Variants in UACA observed in about 807,000 individuals in gnomAD.
UACA encodes the protein nuclear membrane binding protein.
Under a neutral mutation model 160.5 loss-of-function variants are expected in UACA, and 112 were observed. The ratio of observed to expected loss-of-function variants is 0.70; its 90% CI spans 0.60 to 0.82. UACA has a LOEUF of 0.82. Among genes scored for constraint, UACA ranks in the 40% least tolerant of loss-of-function variants. UACA has a pLI of 0.00. For missense variants in UACA, 1,574 were observed against 1,614.6 expected, an observed-to-expected ratio of 0.97 and a Z score of 0.43; for synonymous variants, 557 against 568.4, an observed-to-expected ratio of 0.98 and a Z score of 0.29.
At chr15:70,751,680 A>G (rs896432522) in intron 1 of UACA, among the ~76,000 whole-genome samples, 3 of 152,204 alleles carry the variant, frequency 2.0e-5, no homozygotes, top group African/African-American at 7.2e-5. Context: ...TGCAGGCTGC[A>G]GAGTTTGACC....
At chr15:70,670,333 G>A (rs1897093323) in intron 15 of UACA, among the ~76,000 whole-genome samples, 1 of 152,104 alleles carries the variant, frequency 6.6e-6, no homozygotes, top group African/African-American at 2.4e-5. Context: ...CATGCAGATA[G>A]CCTGCCCCCA....
rs57970349 is a variant in UACA, at chr15:70,679,402, CTAAATAAA to C, written c.891+198_891+205del. Among the ~76,000 whole-genome samples the C allele has an allele frequency of 2.9e-3, 389 of 134,082 alleles. 5 individuals carry two copies. The highest frequency in any genetic ancestry group is 0.011 in the Middle Eastern group (3 of 276). 88.0% of individuals were successfully genotyped at this position (134,082 alleles called of 152,430 possible). On this transcript the variant is annotated intron_variant, in intron 10 of 18. Transcript: ENST00000322954. ...TGGGCAACAGAGCCAGACCCCATCTCTAAATAAATAAATAAATAAATAAATAAATAAAT... is the reference window on the plus strand; with the variant it reads ...TGGGCAACAGAGCCAGACCCCATCTCTAAATAAATAAATAAATAAATAAAT...
chr15:70,680,402 A>G (rs1312572907), intron 9 of UACA, among the ~76,000 whole-genome samples: 4 of 152,048 alleles, frequency 2.6e-5, no homozygotes, highest in Non-Finnish European at 4.4e-5. Flanking sequence ...TAAAAAAAAA[A>G]CTACTGCTTT....
chr15:70,760,882 A>AC (rs1190151003), intron 1 of UACA, among the ~76,000 whole-genome samples: 6 of 152,206 alleles, frequency 3.9e-5, no homozygotes, highest in Admixed American at 1.3e-4. Flanking sequence ...AAAGGTCAAA[A>AC]ACTTTGAACA....
intron 9 of UACA, chr15:70,681,398 T>C (rs991630818): frequency 6.6e-6 from 1 of 152,074 alleles, no homozygotes; most frequent in African/African-American, 2.4e-5. Flanking sequence ...ATTTACAGCG[T>C]ATATTTAGTA....
intron 17 of UACA, among the ~76,000 whole-genome samples, chr15:70,661,861 CAA>C (rs1049250131): frequency 6.6e-6 from 1 of 152,096 alleles, no homozygotes; most frequent in Non-Finnish European, 1.5e-5. Context: ...GGACGTATCT[CAA>C]AATAATAAGA....
upstream of UACA, among the ~76,000 whole-genome samples, chr15:70,765,616 C>T (rs563578894): frequency 9.0e-4 from 137 of 152,270 alleles, no homozygotes; most frequent in Non-Finnish European, 1.7e-3. Context: ...TATTTGAATT[C>T]CCTAGAATGC....
intron 1 of UACA, among the ~76,000 whole-genome samples, chr15:70,710,358 A>G (rs1275920881): frequency 1.3e-5 from 2 of 152,122 alleles, no homozygotes; most frequent in Non-Finnish European, 2.9e-5. Flanking sequence ...GGAAAAACCA[A>G]ACTTTTCCCA....
In UACA at chr15:70,719,499, TCAA is replaced by T. The variant is rs1349425566; in HGVS notation, c.79-19842_79-19840del. 2.2e-4 allele frequency among the ~76,000 whole-genome samples: 34 copies of T among 152,176 alleles called. 1 individual carries two copies. The highest frequency in any genetic ancestry group is 2.2e-3 in the Admixed American group (33 of 15,282). On this transcript the variant is annotated intron_variant, in intron 1 of 18. Transcript: ENST00000322954. ...TGAAAACCAAAATAAAATGCACATC[TCAA>T]CGAGTTGAGGATGTAGCTACTGGCA...
chr15:70,760,617 G>C (rs1045876188), intron 1 of UACA, among the ~76,000 whole-genome samples: 1 of 152,016 alleles, frequency 6.6e-6, no homozygotes, highest in Non-Finnish European at 1.5e-5. Flanking sequence ...GACCATCCTG[G>C]ACAACATGGT....
At chr15:70,738,211 T>C (rs973428725) in intron 1 of UACA, among the ~76,000 whole-genome samples, 5 of 151,998 alleles carry the variant, frequency 3.3e-5, no homozygotes, top group Non-Finnish European at 7.4e-5. Flanking sequence ...ATCACTTATT[T>C]TTCTTCCGGT....
intron 1 of UACA, among the ~76,000 whole-genome samples, chr15:70,712,051 C>CGCAT: frequency 7.6e-6 from 1 of 131,990 alleles, no homozygotes; most frequent in South Asian, 2.5e-4. Flanking sequence ...AAGCTCCAGG[C>CGCAT]ATATATATAT....
chr15:70,658,225 C>T (rs1896555081), intron 18 of UACA, among the ~76,000 whole-genome samples: 1 of 151,880 alleles, frequency 6.6e-6, no homozygotes, highest in Non-Finnish European at 1.5e-5. Flanking sequence ...CTTGAGCTAC[C>T]CAATTATTTT....
At chr15:70,721,291 G>A (rs1898983688) in intron 1 of UACA, among the ~76,000 whole-genome samples, 6 of 152,112 alleles carry the variant, frequency 3.9e-5, no homozygotes, top group Admixed American at 3.9e-4. Context: ...GGATAAATCA[G>A]TTCAGTTTGG....
At chr15:70,745,390 G>T (rs551994190) in intron 1 of UACA, among the ~76,000 whole-genome samples, 1 of 150,908 alleles carries the variant, frequency 6.6e-6, no homozygotes, top group African/African-American at 2.4e-5. Flanking sequence ...AGCCGAGATC[G>T]TGCGTGCCAC....
intron 1 of UACA, among the ~76,000 whole-genome samples, chr15:70,727,672 T>G (rs953994044): frequency 2.6e-5 from 4 of 152,234 alleles, no homozygotes; most frequent in Admixed American, 2.6e-4. Flanking sequence ...ATTGTGAAAC[T>G]GTTCTCAAAA....
chr15:70,683,972 A>C (rs77141748), intron 8 of UACA, among the ~76,000 whole-genome samples: 1 of 140,908 alleles, frequency 7.1e-6, no homozygotes, highest in Admixed American at 7.1e-5. Context: ...CCTCTTCATC[A>C]AAAAAAAAAA....
rs11292883 is a variant in UACA at position 70,749,698 on chromosome 15, CAAAAAAAAAAA to C, written c.78+13621_78+13631del. ...TGGGCGACAGAGGAAGACTCCGTCT[CAAAAAAAAAAA>C]AAAAAAAAAAAAGTTGGAGAAAACA... On this transcript the variant is annotated intron_variant, in intron 1 of 18. Transcript: ENST00000322954. 5.7e-5 allele frequency among the ~76,000 whole-genome samples: 4 copies of C among 70,046 alleles called. No individual in the cohort carries two copies. The East Asian group carries it at 1.2e-3, about 21-fold the overall frequency. The allele number at this position is 70,046 out of a possible 152,430, so 46.0% of individuals were successfully genotyped here.
Position 70,669,321 on chromosome 15 carries a change from A to G in UACA, c.1363T>C (p.Ser455Pro). The part of the protein sequence containing the change: ...ELEAMRTFCE[S>P]AKQDRLKLQN... ...AGCTTCAGTCGGTCTTGTTTTGCTG[A>G]CTCACAGAAAGTTCGCATTGCTTCT... The change falls in exon 16 of 19, where the codon TCA becomes CCA. Residue 455 changes from serine (S) to proline (P), a missense_variant. Physicochemically the swap from Ser to Pro is moderately conservative, Grantham distance 74. Coordinates refer to ENST00000322954, the MANE Select transcript of UACA (RefSeq NM_018003.4). 6.2e-7 allele frequency: 1 copy of G among 1,613,960 alleles called. No individual in the cohort carries two copies.
Sources: gnomAD v4.1 joint callset for allele counts (sites outside exome capture counted in the v4.1 genomes callset) on GRCh38, gnomAD v4.1.1 for gene constraint, MANE v1.5 for transcripts, NCBI Gene and HGNC (gene_info 2026-07-23, HGNC 2026-07-21) for gene names.